The following STARD9 variants were observed in gnomAD, a reference collection of about 807,000 sequenced individuals.
STARD9 encodes the protein stAR-related lipid transfer protein 9.
A neutral mutation model predicts 399.8 loss-of-function variants in STARD9; 346 were observed. The ratio of observed to expected loss-of-function variants is 0.87; its 90% confidence interval spans 0.79 to 0.95. The LOEUF (loss-of-function observed/expected upper bound fraction) is 0.95. STARD9 is among the 40% of genes least tolerant of loss of function. The pLI is 0.00. For missense variants in STARD9, 5,832 were observed against 5,667.5 expected (o/e 1.03, Z -0.93); for synonymous variants, 2,203 against 2,143.5 (o/e 1.03, Z -0.77).
At position 42,719,706 on chromosome 15, in the gene STARD9, G is replaced by C; in HGVS notation, c.*132G>C. ...ATGCTACCTGCTGTGGCCGATTGGG[G>C]CAGACAGCACTGGCCCAGGGATGCT... On this transcript the variant is annotated 3_prime_UTR_variant, in exon 33 of 33. Coordinates refer to ENST00000290607, the MANE Select transcript of STARD9 (RefSeq NM_020759.3). The C allele has an allele frequency of 3.1e-6, 2 of 646,172 alleles. No homozygotes were observed. The highest frequency in any genetic ancestry group is 5.4e-6 in the Non-Finnish European group (2 of 372,298). The allele number at this position is 646,172 out of a possible 1,614,324, so 40.0% of individuals were successfully genotyped here.
chr15:42,609,104 C>T (rs567224511), intron 3 of STARD9, among the ~76,000 whole-genome samples: 132 of 152,072 alleles, frequency 8.7e-4, no homozygotes, highest in African/African-American at 3.0e-3. Flanking sequence ...GACTGCTGCT[C>T]TTTTGAATGA....
intron 3 of STARD9, among the ~76,000 whole-genome samples, chr15:42,606,487 A>C (rs1198962084): frequency 1.3e-5 from 2 of 151,866 alleles, no homozygotes; most frequent in Non-Finnish European, 2.9e-5. Flanking sequence ...ACAGGGTCGG[A>C]CTCTGTTGCC....
intron 2 of STARD9, among the ~76,000 whole-genome samples, chr15:42,584,309 C>T (rs1283961048): frequency 6.6e-6 from 1 of 152,184 alleles, no homozygotes; most frequent in Non-Finnish European, 1.5e-5. Context: ...GGGGACCTAC[C>T]AGACTTTCAA....
intron 3 of STARD9, among the ~76,000 whole-genome samples, chr15:42,592,954 C>G (rs1045974421): frequency 3.3e-5 from 5 of 152,126 alleles, no homozygotes; most frequent in Admixed American, 6.6e-5. Context: ...GGGCAAGTTG[C>G]TTATCCTCTT....
intron 26 of STARD9, among the ~76,000 whole-genome samples, chr15:42,709,133 C>T (rs1029933769): frequency 8.6e-5 from 13 of 152,018 alleles, no homozygotes; most frequent in African/African-American, 2.9e-4. Context: ...TGGTGGCTGA[C>T]GCCTGTAATC....
intron 32 of STARD9, 60 bp from the exon 33 acceptor site, chr15:42,719,413 G>A (rs2061411268): frequency 8.8e-7 from 1 of 1,131,890 alleles, no homozygotes; most frequent in Non-Finnish European, 1.3e-6. Flanking sequence ...TGGGACTGGA[G>A]TACGCCTGGC....
At chr15:42,678,873 T>G (rs2060366352) in intron 20 of STARD9, among the ~76,000 whole-genome samples, 2 of 152,236 alleles carry the variant, frequency 1.3e-5, no homozygotes, top group Admixed American at 1.3e-4. Context: ...TCTGGGAACT[T>G]GACAAAATGT....
At position 42,689,071 on chromosome 15, in the gene STARD9, G is replaced by A. The variant is rs2140262070; in HGVS notation, c.7493G>A (p.Ser2498Asn). ...KRVSFSLEED[S>N]DQASKPRQKA... ...GTCAGCTTCTCCTTGGAAGAGGATA[G>A]TGACCAAGCCAGCAAGCCAAGGCAG... Residue 2498 changes from serine to asparagine, a missense_variant, in exon 23 of 33, where the codon AGT becomes AAT. This residue lies in a region of STARD9 where 5,828 missense variants were observed against 5,651.1 expected (regional missense o/e 1.03). Coordinates refer to ENST00000290607, the MANE Select transcript of STARD9 (RefSeq NM_020759.3). 6.5e-7 allele frequency: 1 copy of A among 1,537,316 alleles called. No individual in the cohort carries two copies. Among genetic ancestry groups the A allele is most frequent in the Non-Finnish European group, 8.7e-7 (1 of 1,146,934 alleles).
In STARD9 at chr15:42,688,458, CAG is replaced by C; in HGVS notation, c.6882_6883del (p.Lys2295IlefsTer3). 2.0e-6 allele frequency: 3 copies of C among 1,537,792 alleles called. No homozygotes were observed. The highest frequency in any genetic ancestry group is 2.6e-6 in the Non-Finnish European group (3 of 1,147,052). ...CCTTCAGGAAGAAAATAAAGTGACTCAGAAATTTCCTAGTCTCAGCCAGCTTT... is the reference window on the plus strand; with the variant it reads ...CCTTCAGGAAGAAAATAAAGTGACTCAAATTTCCTAGTCTCAGCCAGCTTT... The part of the protein sequence containing the change: ...GSLQEENKVT[Q>X]KFPSLSQLCR... On this transcript the variant is annotated frameshift_variant, in exon 23 of 33. Coordinates refer to ENST00000290607, the MANE Select transcript of STARD9 (RefSeq NM_020759.3). LOFTEE classifies it high-confidence loss of function.
intron 3 of STARD9, among the ~76,000 whole-genome samples, chr15:42,621,380 A>G (rs532490418): frequency 1.1e-4 from 16 of 152,334 alleles, no homozygotes; most frequent in African/African-American, 3.6e-4. Flanking sequence ...ACAACCTGTT[A>G]CTATCATTGC....
At chr15:42,700,010 T>A (rs1281880457) in intron 26 of STARD9, among the ~76,000 whole-genome samples, 1 of 152,160 alleles carries the variant, frequency 6.6e-6, no homozygotes, top group Non-Finnish European at 1.5e-5. Flanking sequence ...TTTTTTAGAT[T>A]CCGCATATGA....
At position 42,694,133 on chromosome 15, in the gene STARD9, C is replaced by G; in HGVS notation, c.12555C>G (p.His4185Gln). ...EQSPPQPPNDHSQDSEWSKRE... is the reference protein window; with the variant it reads ...EQSPPQPPNDQSQDSEWSKRE... ...GTCCCCCACAACCTCCTAATGACCA[C>G]AGCCAGGATTCTGAGTGGTCCAAGA... Residue 4185 changes from histidine to glutamine, a missense_variant, in exon 23 of 33, where the codon CAC becomes CAG. By Grantham distance (24) the His-to-Gln change is conservative. Transcript: ENST00000290607. 1 of 1,536,682 alleles carries G rather than the reference C, an allele frequency of 6.5e-7. No individual in the cohort carries two copies. Among genetic ancestry groups the G allele is most frequent in the Non-Finnish European group, 8.7e-7 (1 of 1,146,674 alleles).
chr15:42,647,230 A>G (rs2059663686), intron 7 of STARD9, among the ~76,000 whole-genome samples: 1 of 152,192 alleles, frequency 6.6e-6, no homozygotes, highest in South Asian at 2.1e-4. Context: ...TGTTGGGCAT[A>G]GTGTTTATAT....
rs2060511306 is a variant in STARD9 at position 42,684,831 on chromosome 15, G to C, written c.3253G>C (p.Asp1085His). 6.5e-7 allele frequency: 1 copy of C among 1,537,178 alleles called. No individual in the cohort carries two copies. The highest frequency in any genetic ancestry group is 8.7e-7 in the Non-Finnish European group (1 of 1,146,922). The change falls in exon 23 of 33, where the codon GAT becomes CAT. Residue 1085 changes from aspartate to histidine, a missense_variant. Coordinates refer to ENST00000290607, the MANE Select transcript of STARD9 (RefSeq NM_020759.3). ...RDPDTMVPLTDFSPVMDHSRE... is the reference protein window; with the variant it reads ...RDPDTMVPLTHFSPVMDHSRE... ...CCCAGACACCATGGTCCCACTCACA[G>C]ATTTCAGCCCAGTAATGGATCATTC...
At chr15:42,645,426 GA>G (rs2141965985) in intron 7 of STARD9, among the ~76,000 whole-genome samples, 1 of 152,248 alleles carries the variant, frequency 6.6e-6, no homozygotes, top group Admixed American at 6.5e-5. Context: ...GTAATATTTT[GA>G]AAATAATCTT....
chr15:42,685,037 G>GA lies in STARD9; in HGVS notation c.3461dup (p.Arg1155GlufsTer26). On this transcript the variant is annotated frameshift_variant, in exon 23 of 33. Transcript: ENST00000290607. LOFTEE classifies it high-confidence loss of function. ...AACTATCTGAGGACTCACTGGCTGA[G>GA]AAGAGGTACCAAAGCCCCAAAAACA... The GA allele has an allele frequency of 6.5e-7, 1 of 1,537,244 alleles. No homozygotes were observed. The highest frequency in any genetic ancestry group is 8.7e-7 in the Non-Finnish European group (1 of 1,146,948).
At position 42,720,030 on chromosome 15, in the gene STARD9, C is replaced by T. The variant is rs1181504480; in HGVS notation, c.*456C>T. The T allele has an allele frequency of 6.4e-6, 1 of 156,962 alleles. No individual in the cohort carries two copies. The highest frequency in any genetic ancestry group is 1.4e-5 in the Non-Finnish European group (1 of 71,484). The allele number at this position is 156,962 out of a possible 1,614,324, so 9.7% of individuals were successfully genotyped here. A position where few individuals can be genotyped will look rare whatever the true frequency, so the allele number is the denominator to read the frequency against. ...CTACCTCCTCTAGCATTCAGCTCTA[C>T]TGTGTGATGGGACGTTAAAAATACC... is the stretch of plus-strand genomic sequence containing the variant. On this transcript the variant is annotated 3_prime_UTR_variant, in exon 33 of 33. Transcript: ENST00000290607.
intron 15 of STARD9, 91 bp downstream of exon 15, chr15:42,665,939 G>A (rs1028778467): frequency 4.8e-6 from 5 of 1,036,014 alleles, no homozygotes; most frequent in South Asian, 1.4e-5. Context: ...CCCTTGGCAG[G>A]GCAGAGAAGA....
chr15:42,601,347 G>C (rs75846237), intron 3 of STARD9, among the ~76,000 whole-genome samples: 21 of 152,088 alleles, frequency 1.4e-4, no homozygotes, highest in Admixed American at 9.8e-4. Context: ...AACCGCCATC[G>C]TCATCATGGC....
Sources: gnomAD v4.1 joint callset for allele counts (sites outside exome capture counted in the v4.1 genomes callset) on GRCh38, gnomAD v4.1.1 for gene constraint, gnomAD v4.1.1 regional missense constraint, MANE v1.5 for transcripts, NCBI Gene and HGNC (gene_info 2026-07-23, HGNC 2026-07-21) for gene names.